The following EXOC3 variants were observed in gnomAD, a reference collection of about 807,000 sequenced individuals.
The protein encoded by EXOC3 is SEC6-like 1.
A neutral mutation model predicts 73.7 loss-of-function variants in EXOC3; 21 were observed. That is an observed-to-expected ratio of 0.29 (90% CI 0.20 to 0.41). The LOEUF is 0.41. Ranked by LOEUF, EXOC3 falls within the 10% of genes least tolerant of loss-of-function variation. The probability of loss-of-function intolerance (pLI) is 1.00; values close to 1 mark genes in which losing one functional copy is unlikely to be tolerated. For synonymous variants in EXOC3, 410 were observed against 389.1 expected (o/e 1.05, Z -0.63); for missense variants, 842 against 985.1 (o/e 0.85, Z 1.95).
At chr5:459,549 T>C in intron 7 of EXOC3, 90 bp downstream of exon 7, 1 of 598,754 alleles carries the variant, frequency 1.7e-6, no homozygotes, top group Non-Finnish European at 3.0e-6. Context: ...TGCCTGTTAC[T>C]AAGAAGAAAT....
chr5:461,814 C>T (rs867272379), intron 7 of EXOC3, 146 bp from the exon 8 acceptor site: 4 of 621,426 alleles, frequency 6.4e-6, no homozygotes, highest in East Asian at 2.8e-5. Context: ...TAGTCTGGAT[C>T]GTCTAAAGAT....
Position 465,259 on chromosome 5 carries a change from G to A in EXOC3, c.1925G>A (p.Arg642Gln). 6.3e-7 allele frequency: 1 copy of A among 1,584,650 alleles called. No homozygotes were observed. The highest frequency in any genetic ancestry group is 8.6e-7 in the Non-Finnish European group (1 of 1,166,108). ...GCAGAGCAGCTGCGCTTCCTGTTCC[G>A]GAAGCTGGCGTCCGTGAGTGTCGCG... ...REAEQLRFLF[R>Q]KLASGFGEDV... Residue 642 changes from arginine to glutamine, a missense_variant, in exon 11 of 13, where the codon CGG becomes CAG. By Grantham distance (43) the Arg-to-Gln change is conservative. Coordinates refer to ENST00000512944, the MANE Select transcript of EXOC3 (RefSeq NM_007277.5).
chr5:459,309 G>C (rs1458035126), intron 6 of EXOC3, 50 bp from the exon 7 acceptor site: 2 of 1,005,296 alleles, frequency 2.0e-6, no homozygotes, highest in Non-Finnish European at 3.0e-6. Flanking sequence ...TGCACTCTTA[G>C]TATACTCCTG....
At position 456,867 on chromosome 5, in the gene EXOC3, C is replaced by G. The variant is rs146574118; in HGVS notation, c.1047-22C>G. Reference sequence around the variant, plus strand: ...TCTGTGTCTGTCGTGGTTTGTCACTCACATTCCTGGTTCCCCCATAGTACT... The same window carrying G: ...TCTGTGTCTGTCGTGGTTTGTCACTGACATTCCTGGTTCCCCCATAGTACT... On this transcript the variant is annotated intron_variant, in intron 4 of 12. Coordinates refer to ENST00000512944, the MANE Select transcript of EXOC3 (RefSeq NM_007277.5). 4.1e-3 allele frequency: 6,467 copies of G among 1,581,928 alleles called. 19 individuals carry two copies. Among genetic ancestry groups the G allele is most frequent in the Non-Finnish European group, 5.2e-3 (5,947 of 1,150,996 alleles).
chr5:456,471 G>A (rs1222459847), intron 4 of EXOC3, among the ~76,000 whole-genome samples: 2 of 152,160 alleles, frequency 1.3e-5, no homozygotes, highest in Non-Finnish European at 2.9e-5. Flanking sequence ...GCCCTGCCTC[G>A]GCTCTGCAGG....
At chr5:454,420 T>A (rs1364164488) in intron 4 of EXOC3, among the ~76,000 whole-genome samples, 1 of 152,214 alleles carries the variant, frequency 6.6e-6, no homozygotes, top group Non-Finnish European at 1.5e-5. Flanking sequence ...GGACACATGG[T>A]CCCAGGCGGG....
chr5:454,692 A>G (rs1424362802), intron 4 of EXOC3, among the ~76,000 whole-genome samples: 1 of 152,174 alleles, frequency 6.6e-6, no homozygotes, highest in Non-Finnish European at 1.5e-5. Context: ...AAAATGGTGC[A>G]GTGGTGGGGG....
At chr5:465,694 C>G (rs1167908065) in intron 11 of EXOC3, 24 bp from the exon 12 acceptor site, 3 of 1,613,410 alleles carry the variant, frequency 1.9e-6, no homozygotes, top group Non-Finnish European at 2.5e-6. Flanking sequence ...GAGGGCGGCT[C>G]CTCACATTGC....
chr5:457,312 C>A, intron 5 of EXOC3: 2 of 380,860 alleles, frequency 5.3e-6, no homozygotes, highest in South Asian at 2.9e-5. Flanking sequence ...GCCAGGCTCT[C>A]GGCTCTGAGT....
chr5:456,780 C>G, intron 4 of EXOC3, 109 bp from the exon 5 acceptor site: 1 of 848,496 alleles, frequency 1.2e-6, no homozygotes, highest in Non-Finnish European at 1.9e-6. Flanking sequence ...ACCAGGAAGT[C>G]TCCAGGGTGG....
At chr5:465,076 G>A (rs1057265884) in intron 10 of EXOC3, 35 bp from the exon 11 acceptor site, 6 of 1,517,556 alleles carry the variant, frequency 4.0e-6, no homozygotes, top group Non-Finnish European at 5.3e-6. Context: ...CGCCAGAGCC[G>A]TGGAGCCTGC....
At chr5:450,055 G>A (rs890922990) in intron 3 of EXOC3, among the ~76,000 whole-genome samples, 5 of 152,160 alleles carry the variant, frequency 3.3e-5, no homozygotes, top group Admixed American at 6.5e-5. Flanking sequence ...AGACCAGCCC[G>A]GCCAACATGG....
rs1737382235 is a variant in EXOC3 at position 443,223 on chromosome 5, C to CGGAGGG, written c.-122_-121insAGGGGG. The CGGAGGG allele has an allele frequency of 1.1e-5, 1 of 88,162 alleles. No homozygotes were observed. The allele number at this position is 88,162 out of a possible 1,614,324, so 5.5% of individuals were successfully genotyped here. A position where few individuals can be genotyped will look rare whatever the true frequency, so the allele number is the denominator to read the frequency against. On this transcript the variant is annotated 5_prime_UTR_variant, in exon 1 of 13. Transcript: ENST00000512944. Reference sequence around the variant, plus strand: ...GCGGAGGCAGCGAAGGCGGAGGGGGCGGCGGGGGCGGCGGCGGCGGCGGCG... The same window carrying CGGAGGG: ...GCGGAGGCAGCGAAGGCGGAGGGGGCGGAGGGGGCGGGGGCGGCGGCGGCGGCGGCG...
intron 3 of EXOC3, among the ~76,000 whole-genome samples, chr5:451,372 A>G (rs1579735309): frequency 6.6e-6 from 1 of 152,178 alleles, no homozygotes; most frequent in South Asian, 2.1e-4. Flanking sequence ...TTACATCTTT[A>G]TATATCATGT....
intron 1 of EXOC3, among the ~76,000 whole-genome samples, chr5:445,381 G>A (rs1310148091): frequency 6.6e-5 from 9 of 136,920 alleles, no homozygotes; most frequent in African/African-American, 2.5e-4. Flanking sequence ...ACGGAGTCTC[G>A]CTCTGTCGCC....
rs1405493068 is a variant in EXOC3, at chr5:453,581, G to T, written c.576G>T (p.Trp192Cys). The change falls in exon 4 of 13, where the codon TGG becomes TGT. Residue 192 changes from tryptophan (W) to cysteine (C), a missense_variant. Trp to Cys is a radical substitution (Grantham distance 215). Transcript: ENST00000512944. ...GLSDELAKQL[W>C]MVLQRSLVTV... ...CTGATGAGCTGGCTAAGCAGCTGTG[G>T]ATGGTGCTGCAGAGGTCACTGGTCA... 1 of 1,614,008 alleles carries T rather than the reference G, an allele frequency of 6.2e-7. No individual in the cohort carries two copies. Among genetic ancestry groups the T allele is most frequent in the Admixed American group, 1.7e-5 (1 of 60,034 alleles).
At chr5:443,347 T>A (rs1328417145) in intron 1 of EXOC3, 57 bp downstream of exon 1, 1 of 152,790 alleles carries the variant, frequency 6.5e-6, no homozygotes, top group Non-Finnish European at 1.5e-5. Flanking sequence ...GTCGCCGTCT[T>A]TCATCCTTGC....
intron 4 of EXOC3, among the ~76,000 whole-genome samples, chr5:455,104 C>T (rs948583258): frequency 3.9e-5 from 6 of 152,158 alleles, no homozygotes; most frequent in African/African-American, 1.4e-4. Flanking sequence ...CCCTGGCTGC[C>T]GCTCATCCTC....
At chr5:466,580 C>T (rs1037899278) in intron 12 of EXOC3, 147 bp from the exon 13 acceptor site, 8 of 673,588 alleles carry the variant, frequency 1.2e-5, no homozygotes, top group Admixed American at 9.0e-5. Context: ...GCTTGTCTCC[C>T]GCTGAAAAGG....
Sources: allele counts gnomAD v4.1 joint callset (sites outside exome capture counted in the v4.1 genomes callset), GRCh38; gene constraint gnomAD v4.1.1; transcripts MANE v1.5; gene names NCBI Gene and HGNC (gene_info 2026-07-23, HGNC 2026-07-21).